Variants in CEP55 observed in about 807,000 individuals in gnomAD.
The protein encoded by CEP55 is centrosomal protein 55, also known as centrosomal protein of 55 kDa.
CEP55 carries 57 observed loss-of-function variants against 63.2 expected under a neutral mutation model. That is an observed-to-expected ratio of 0.90 (90% CI 0.73 to 1.13). The LOEUF (loss-of-function observed/expected upper bound fraction) is 1.13, where lower values mean the gene tolerates loss of function less well. Among genes scored for constraint, CEP55 ranks in the 50% most tolerant of loss-of-function variants. The probability of loss-of-function intolerance (pLI) is 0.00; values close to 1 mark genes in which losing one functional copy is unlikely to be tolerated. For synonymous variants in CEP55, 178 were observed against 191.6 expected, an observed-to-expected ratio of 0.93 and a Z score of 0.59; for missense variants, 456 against 518.9, an observed-to-expected ratio of 0.88 and a Z score of 1.18.
At chr10:93,527,872 C>T in intron 8 of CEP55, 78 bp from the exon 9 acceptor site, 2 of 1,223,866 alleles carry the variant, frequency 1.6e-6, no homozygotes, top group Non-Finnish European at 2.3e-6. Context: ...CAGAGTGAGA[C>T]TGCCTCAAAA....
intron 2 of CEP55, among the ~76,000 whole-genome samples, chr10:93,502,303 C>T (rs945628253): frequency 1.3e-5 from 2 of 152,140 alleles, no homozygotes; most frequent in African/African-American, 2.4e-5. Context: ...TTATCTGTCT[C>T]ATACTACTGA....
At chr10:93,520,909 A>G (rs981830988) in intron 8 of CEP55, among the ~76,000 whole-genome samples, 1 of 152,230 alleles carries the variant, frequency 6.6e-6, no homozygotes, top group African/African-American at 2.4e-5. Context: ...TTTATAATTC[A>G]TTTTTGTTAT....
At chr10:93,500,575 T>C (rs1254648127) in intron 2 of CEP55, among the ~76,000 whole-genome samples, 1 of 152,222 alleles carries the variant, frequency 6.6e-6, no homozygotes, top group Non-Finnish European at 1.5e-5. Context: ...TGTTTCTCAG[T>C]TATTTAAAAC....
At chr10:93,499,924 C>A in intron 1 of CEP55, 116 bp from the exon 2 acceptor site, 1 of 644,818 alleles carries the variant, frequency 1.6e-6, no homozygotes, top group Non-Finnish European at 2.6e-6. Context: ...TTCTCCATAC[C>A]CTGCTGGTTT....
At chr10:93,517,397 C>A in intron 6 of CEP55, 149 bp downstream of exon 6, 1 of 570,158 alleles carries the variant, frequency 1.8e-6, no homozygotes, top group African/African-American at 1.9e-5. Context: ...AGACCATAAA[C>A]AATAAATAAG....
intron 4 of CEP55, among the ~76,000 whole-genome samples, chr10:93,507,292 T>C (rs12415124): frequency 0.53 from 79,215 of 150,024 alleles, 22,918 homozygotes; most frequent in Non-Finnish European, 0.65. Context: ...AGTGGCATCT[T>C]GGTTCACTGC....
chr10:93,526,390 A>G (rs1266812836), intron 8 of CEP55, among the ~76,000 whole-genome samples: 2 of 152,248 alleles, frequency 1.3e-5, no homozygotes, highest in Non-Finnish European at 1.5e-5. Context: ...ATGAGATACC[A>G]TCTCACACCA....
At chr10:93,501,573 G>T (rs953888799) in intron 2 of CEP55, among the ~76,000 whole-genome samples, 1 of 151,946 alleles carries the variant, frequency 6.6e-6, no homozygotes, top group Admixed American at 6.6e-5. Context: ...GGAAGCTGAG[G>T]CAGGAGAATC....
At chr10:93,520,560 C>T (rs73325423) in intron 8 of CEP55, among the ~76,000 whole-genome samples, 2 of 151,706 alleles carry the variant, frequency 1.3e-5, no homozygotes, top group African/African-American at 2.4e-5. Context: ...AAAACATGAA[C>T]CTTTTAAATA....
intron 8 of CEP55, among the ~76,000 whole-genome samples, chr10:93,526,647 T>G (rs1185096629): frequency 6.6e-6 from 1 of 152,132 alleles, no homozygotes; most frequent in Non-Finnish European, 1.5e-5. Context: ...ATGTTTATTG[T>G]GGCACTATTC....
intron 4 of CEP55, among the ~76,000 whole-genome samples, 189 bp downstream of exon 4, chr10:93,507,245 G>C (rs1403583585): frequency 1.7e-5 from 2 of 116,836 alleles, no homozygotes; most frequent in African/African-American, 6.2e-5. Flanking sequence ...TTTTTTTCCT[G>C]AGGCAAAGTC....
intron 4 of CEP55, among the ~76,000 whole-genome samples, chr10:93,511,116 T>C (rs1204310318): frequency 6.6e-6 from 1 of 152,034 alleles, no homozygotes; most frequent in African/African-American, 2.4e-5. Flanking sequence ...TTTTTTTTTA[T>C]TTTTAGTAGA....
chr10:93,508,309 C>T (rs2057709117), intron 4 of CEP55, among the ~76,000 whole-genome samples: 1 of 151,898 alleles, frequency 6.6e-6, no homozygotes, highest in African/African-American at 2.4e-5. Flanking sequence ...TATTTTGGTT[C>T]CAAAAATATT....
intron 2 of CEP55, 40 bp from the exon 3 acceptor site, chr10:93,503,073 A>G: frequency 6.4e-7 from 1 of 1,569,360 alleles, no homozygotes; most frequent in Non-Finnish European, 8.7e-7. Context: ...TAGATGTTTG[A>G]CCTGGCTTTG....
intron 4 of CEP55, among the ~76,000 whole-genome samples, chr10:93,508,828 G>T (rs1324800337): frequency 6.6e-6 from 1 of 152,156 alleles, no homozygotes; most frequent in African/African-American, 2.4e-5. Context: ...ATAGCTCCCA[G>T]ACAATTCCTA....
At chr10:93,498,451 G>A (rs939911434) in intron 1 of CEP55, among the ~76,000 whole-genome samples, 4 of 152,180 alleles carry the variant, frequency 2.6e-5, no homozygotes, top group Non-Finnish European at 5.9e-5. Context: ...AACTTCCTGT[G>A]GCAGCAGGTG....
chr10:93,513,950 CTTTTTTTT>C (rs575229278), intron 4 of CEP55, among the ~76,000 whole-genome samples: 2 of 144,388 alleles, frequency 1.4e-5, no homozygotes, highest in African/African-American at 5.0e-5. Flanking sequence ...TCCCCCTCCC[CTTTTTTTT>C]TTTTGAGACG....
chr10:93,498,132 C>A (rs2057592712), intron 1 of CEP55, among the ~76,000 whole-genome samples: 1 of 140,560 alleles, frequency 7.1e-6, no homozygotes, highest in Non-Finnish European at 1.5e-5. Flanking sequence ...CCCTAACGCC[C>A]CGCCCCCGCC....
chr10:93,513,208 C>G, intron 4 of CEP55, among the ~76,000 whole-genome samples: 1 of 152,212 alleles, frequency 6.6e-6, no homozygotes, highest in South Asian at 2.1e-4. Context: ...GTGGCTGAGG[C>G]TCCTGGGCTA....
Sources: gnomAD v4.1 joint callset for allele counts (sites outside exome capture counted in the v4.1 genomes callset) on GRCh38, gnomAD v4.1.1 for gene constraint, MANE v1.5 for transcripts, NCBI Gene and HGNC (gene_info 2026-07-23, HGNC 2026-07-21) for gene names.